The following RBMS3 variants were observed in gnomAD, a reference collection of about 807,000 sequenced individuals.
RBMS3 encodes RNA binding motif single stranded interacting protein 3, also known as RNA-binding motif, single-stranded-interacting protein 3.
In RBMS3, 27 loss-of-function variants were observed where a neutral mutation model predicts 66.8. The ratio of observed to expected loss-of-function variants is 0.40; its 90% CI spans 0.30 to 0.56. RBMS3 has a LOEUF of 0.56. Among genes scored for constraint, RBMS3 ranks in the 20% least tolerant of loss-of-function variants. The pLI is 0.40. For missense variants in RBMS3, 513 were observed against 549.5 expected (o/e 0.93, Z 0.66); for synonymous variants, 188 against 183.0 (o/e 1.03, Z -0.22).
At chr3:29,284,377 T>C (rs2032093286) in intron 1 of RBMS3, among the ~76,000 whole-genome samples, 1 of 152,106 alleles carries the variant, frequency 6.6e-6, no homozygotes, top group Middle Eastern at 3.2e-3. Context: ...TTGGGGAAAA[T>C]CTTCATGGGA....
intron 3 of RBMS3, among the ~76,000 whole-genome samples, chr3:29,529,416 C>T (rs1184036565): frequency 6.6e-6 from 1 of 152,112 alleles, no homozygotes; most frequent in African/African-American, 2.4e-5. Flanking sequence ...AACAGATGAG[C>T]ACAATTTGCA....
At chr3:29,492,159 C>T (rs994945130) in intron 3 of RBMS3, among the ~76,000 whole-genome samples, 22 of 152,166 alleles carry the variant, frequency 1.4e-4, no homozygotes, top group Non-Finnish European at 1.5e-5. Context: ...GAATCACAAC[C>T]TTCATCAAGC....
intron 1 of RBMS3, among the ~76,000 whole-genome samples, chr3:29,417,892 T>G (rs1363135393): frequency 6.6e-6 from 1 of 152,170 alleles, no homozygotes; most frequent in East Asian, 1.9e-4. Flanking sequence ...CTATTATATT[T>G]TGGTAAAACA....
chr3:29,482,907 C>T (rs2043188441), intron 2 of RBMS3, among the ~76,000 whole-genome samples: 1 of 151,388 alleles, frequency 6.6e-6, no homozygotes, highest in South Asian at 2.1e-4. Flanking sequence ...GACGTTTCAC[C>T]ACGTTGGTCA....
At chr3:29,891,995 T>C (rs1349064145) in intron 8 of RBMS3, among the ~76,000 whole-genome samples, 2 of 151,486 alleles carry the variant, frequency 1.3e-5, no homozygotes, top group African/African-American at 4.8e-5. Context: ...TAAAAAAAAT[T>C]AAACCCTGGG....
chr3:29,613,186 C>T (rs72846006), intron 4 of RBMS3, among the ~76,000 whole-genome samples: 2,501 of 152,186 alleles, frequency 0.016, 67 homozygotes, highest in African/African-American at 0.057. Flanking sequence ...ATTTCATTTC[C>T]TTTGGATATA....
intron 4 of RBMS3, among the ~76,000 whole-genome samples, chr3:29,679,101 G>A (rs1326271087): frequency 6.6e-6 from 1 of 151,778 alleles, no homozygotes; most frequent in African/African-American, 2.4e-5. Context: ...AAATTCATGG[G>A]CACCACCTAG....
intron 1 of RBMS3, among the ~76,000 whole-genome samples, chr3:29,380,824 T>G (rs1245606939): frequency 6.6e-6 from 1 of 152,220 alleles, no homozygotes; most frequent in Non-Finnish European, 1.5e-5. Flanking sequence ...TTGAAAAACC[T>G]ATAGACCACT....
chr3:29,795,632 G>A (rs1188189697), intron 6 of RBMS3, among the ~76,000 whole-genome samples: 1 of 152,152 alleles, frequency 6.6e-6, no homozygotes, highest in Admixed American at 6.5e-5. Flanking sequence ...AGTAGAATTA[G>A]ATTCTAATCC....
At chr3:29,928,580 C>A (rs78184663) in intron 10 of RBMS3, among the ~76,000 whole-genome samples, 2 of 152,180 alleles carry the variant, frequency 1.3e-5, no homozygotes, top group East Asian at 3.9e-4. Context: ...GGTTATGCCA[C>A]TAATTTTTTC....
At chr3:29,436,589 CTT>C (rs1323726737) in intron 2 of RBMS3, among the ~76,000 whole-genome samples, 2 of 152,098 alleles carry the variant, frequency 1.3e-5, no homozygotes, top group Non-Finnish European at 2.9e-5. Context: ...AAAGCAAGGT[CTT>C]TGAAAATGTG....
chr3:29,665,618 T>C (rs1025686631), intron 4 of RBMS3, among the ~76,000 whole-genome samples: 2 of 152,194 alleles, frequency 1.3e-5, no homozygotes, highest in African/African-American at 4.8e-5. Flanking sequence ...TCTAAGTAAG[T>C]CAGCATTTAA....
At chr3:29,319,749 G>A (rs2034900183) in intron 1 of RBMS3, among the ~76,000 whole-genome samples, 1 of 151,838 alleles carries the variant, frequency 6.6e-6, no homozygotes, top group Admixed American at 6.6e-5. Context: ...CCTAGTCTGG[G>A]CAGTATTCTC....
At chr3:29,904,091 A>C (rs1354715198) in intron 10 of RBMS3, among the ~76,000 whole-genome samples, 1 of 151,962 alleles carries the variant, frequency 6.6e-6, no homozygotes, top group Non-Finnish European at 1.5e-5. Context: ...ATTTGCCCTA[A>C]TTACTGTAGA....
chr3:29,525,888 T>A (rs2148982706), intron 3 of RBMS3, among the ~76,000 whole-genome samples: 1 of 152,324 alleles, frequency 6.6e-6, no homozygotes, highest in South Asian at 2.1e-4. Context: ...CTTATGCTAT[T>A]ATCTCTGAAG....
chr3:29,683,236 A>G (rs1272620559), intron 4 of RBMS3, among the ~76,000 whole-genome samples: 2 of 152,194 alleles, frequency 1.3e-5, no homozygotes, highest in South Asian at 2.1e-4. Context: ...GCTTTGCTCA[A>G]GATCATTTTC....
intron 1 of RBMS3, among the ~76,000 whole-genome samples, chr3:29,369,177 A>C (rs1182159347): frequency 6.6e-6 from 1 of 152,034 alleles, no homozygotes; most frequent in African/African-American, 2.4e-5. Flanking sequence ...GGAGGGTCAG[A>C]GGAGGGAGAG....
At chr3:29,301,366 T>C (rs1343279987) in intron 1 of RBMS3, among the ~76,000 whole-genome samples, 1 of 152,018 alleles carries the variant, frequency 6.6e-6, no homozygotes, top group Non-Finnish European at 1.5e-5. Context: ...TCATGAGGAT[T>C]GTATTAAGGA....
intron 3 of RBMS3, among the ~76,000 whole-genome samples, chr3:29,576,033 A>G (rs900241919): frequency 2.0e-5 from 3 of 152,062 alleles, no homozygotes; most frequent in Admixed American, 2.0e-4. Context: ...TGGTCAGGTC[A>G]TGTCTTCTTG....
Sources: gnomAD v4.1 joint callset for allele counts (sites outside exome capture counted in the v4.1 genomes callset) on GRCh38, gnomAD v4.1.1 for gene constraint, MANE v1.5 for transcripts, NCBI Gene and HGNC (gene_info 2026-07-23, HGNC 2026-07-21) for gene names.